Variants in SORCS1 observed in about 807,000 individuals in gnomAD.
SORCS1 encodes VPS10 domain-containing receptor SorCS1.
In SORCS1, 60 loss-of-function variants were observed where a neutral mutation model predicts 146.1. The observed-to-expected ratio is 0.41, with a 90% CI of 0.33 to 0.51. The LOEUF is 0.51. Ranked by LOEUF, SORCS1 falls within the 20% of genes least tolerant of loss-of-function variation. SORCS1 has a pLI of 0.21. For synonymous variants in SORCS1, 637 were observed against 584.0 expected, an observed-to-expected ratio of 1.09 and a Z score of -1.31; for missense variants, 1,352 against 1,487.6, an observed-to-expected ratio of 0.91 and a Z score of 1.50.
At chr10:106,776,468 T>C (rs1860438153) in intron 4 of SORCS1, 66 bp downstream of exon 4, 34 of 1,583,534 alleles carry the variant, frequency 2.1e-5, no homozygotes, top group South Asian at 6.9e-5. Context: ...GGAGAGATGA[T>C]TAAATTAGCA....
At chr10:107,055,969 A>C (rs1960594578) in intron 1 of SORCS1, among the ~76,000 whole-genome samples, 1 of 151,794 alleles carries the variant, frequency 6.6e-6, no homozygotes, top group Non-Finnish European at 1.5e-5. Flanking sequence ...TTCTTTACAG[A>C]CTCCCCTTTG....
chr10:107,176,489 C>T, the SORCS1 span, among the ~76,000 whole-genome samples: 2 of 151,978 alleles, frequency 1.3e-5, no homozygotes, highest in African/African-American at 4.8e-5. Context: ...ACGGGCACTA[C>T]TACGCCTGGC....
rs7093634 is a variant in SORCS1, at chr10:107,033,714, C to A, written c.559-77134G>T. 3.3e-5 allele frequency among the ~76,000 whole-genome samples: 5 copies of A among 152,106 alleles called. No homozygotes were observed. In the South Asian group the frequency reaches 1.0e-3, roughly 32 times the overall value. ...ACTCCCATTAACAGTATAAAGAAAG[C>A]GGCTAGAGTTTAGCTAGCTAGTTGT... On this transcript the variant is annotated intron_variant, in intron 1 of 25. Coordinates refer to ENST00000263054, the MANE Select transcript of SORCS1 (RefSeq NM_052918.5).
Position 106,741,324 on chromosome 10 carries a change from C to T in SORCS1, c.960-11210G>A, listed in dbSNP as rs959559295. Among the ~76,000 whole-genome samples, 7 of 152,300 alleles carry T rather than the reference C, an allele frequency of 4.6e-5. No homozygotes were observed. The East Asian group carries it at 5.8e-4, about 13-fold the overall frequency. On this transcript the variant is annotated intron_variant, in intron 5 of 25. Coordinates refer to ENST00000263054, the MANE Select transcript of SORCS1 (RefSeq NM_052918.5). ...ACTAAAAAGATAAGGAGAAGCCAGA[C>T]GTGATGACTCACACCTGTAATTCTA...
intron 1 of SORCS1, among the ~76,000 whole-genome samples, chr10:106,966,838 C>T (rs1955518184): frequency 6.6e-6 from 1 of 152,160 alleles, no homozygotes; most frequent in South Asian, 2.1e-4. Context: ...CTCAAGGGAA[C>T]TCATGGGTTT....
intron 1 of SORCS1, among the ~76,000 whole-genome samples, chr10:107,023,139 G>A (rs1450936098): frequency 6.6e-6 from 1 of 152,188 alleles, no homozygotes; most frequent in East Asian, 1.9e-4. Context: ...GTAAATTGCT[G>A]AGTCCAGAGC....
chr10:107,024,314 T>C (rs1958296817), intron 1 of SORCS1, among the ~76,000 whole-genome samples: 1 of 151,972 alleles, frequency 6.6e-6, no homozygotes, highest in Non-Finnish European at 1.5e-5. Flanking sequence ...TAAGGGCTGG[T>C]GTGTGCAGAT....
intron 1 of SORCS1, among the ~76,000 whole-genome samples, chr10:107,037,545 TGG>T (rs1180300432): frequency 9.9e-5 from 15 of 152,198 alleles, no homozygotes; most frequent in Non-Finnish European, 1.8e-4. Context: ...GCTGTGGGAG[TGG>T]GGAAACCCAG....
intron 9 of SORCS1, among the ~76,000 whole-genome samples, chr10:106,695,529 G>A (rs181854465): frequency 4.7e-4 from 72 of 152,140 alleles, no homozygotes; most frequent in Non-Finnish European, 9.3e-4. Context: ...CCATCTTTGC[G>A]GTCTTGCAAA....
chr10:106,924,462 TA>T (rs1952887211), intron 2 of SORCS1, among the ~76,000 whole-genome samples: 4 of 98,670 alleles, frequency 4.1e-5, no homozygotes, highest in Non-Finnish European at 9.5e-5. Context: ...ATTCCACAGT[TA>T]TCGATCTATC....
Position 107,060,287 on chromosome 10 carries a change from ATC to A in SORCS1, c.558+103680_558+103681del, listed in dbSNP as rs1228508346. Among the ~76,000 whole-genome samples, 1 of 152,116 alleles carries A rather than the reference ATC, an allele frequency of 6.6e-6. No individual in the cohort carries two copies. The highest frequency in any genetic ancestry group is 1.5e-5 in the Non-Finnish European group (1 of 68,026). ...TCAATCATTTATAACACATCCAATA[ATC>A]TGTTTTCCCCTCATCTGTAAAAGTG... On this transcript the variant is annotated intron_variant, in intron 1 of 25. Coordinates refer to ENST00000263054, the MANE Select transcript of SORCS1 (RefSeq NM_052918.5). The surrounding 1 kb of genome is among the most constrained non-coding windows in gnomAD (Gnocchi z 4.1).
At chr10:107,140,804 T>C (rs1254062228) in intron 1 of SORCS1, among the ~76,000 whole-genome samples, 1 of 152,234 alleles carries the variant, frequency 6.6e-6, no homozygotes, top group East Asian at 1.9e-4. Context: ...GCATGATCTC[T>C]TGTAATACTC....
intron 1 of SORCS1, among the ~76,000 whole-genome samples, chr10:106,984,220 A>C (rs554105248): frequency 2.6e-4 from 40 of 152,292 alleles, no homozygotes; most frequent in Non-Finnish European, 4.9e-4. Flanking sequence ...GGAAGATAGC[A>C]TGGCATCTTA....
intron 3 of SORCS1, among the ~76,000 whole-genome samples, chr10:106,779,006 G>A (rs1301517643): frequency 6.6e-6 from 1 of 152,062 alleles, no homozygotes; most frequent in Non-Finnish European, 1.5e-5. Flanking sequence ...GACTGCATAA[G>A]ACATCCTGTA....
chr10:106,782,662 T>G (rs1456540596), intron 3 of SORCS1, among the ~76,000 whole-genome samples: 1 of 152,252 alleles, frequency 6.6e-6, no homozygotes, highest in Non-Finnish European at 1.5e-5. Flanking sequence ...CATCTCTTCT[T>G]ATTTCACTTG....
intron 2 of SORCS1, among the ~76,000 whole-genome samples, chr10:106,859,821 T>C (rs1949943909): frequency 6.6e-6 from 1 of 152,226 alleles, no homozygotes; most frequent in East Asian, 1.9e-4. Flanking sequence ...TACATTTACA[T>C]GCGTTTGATC....
intron 2 of SORCS1, among the ~76,000 whole-genome samples, chr10:106,915,328 A>G (rs1026459295): frequency 6.6e-6 from 1 of 152,182 alleles, no homozygotes; most frequent in Non-Finnish European, 1.5e-5. Context: ...AATTTCTTAA[A>G]TAGAAACAAA....
chr10:106,618,312 T>G (rs1847512868), intron 20 of SORCS1, 40 bp from the exon 21 acceptor site: 1 of 1,605,744 alleles, frequency 6.2e-7, no homozygotes, highest in Admixed American at 1.7e-5. Flanking sequence ...GAAAGCTCTT[T>G]AGTTACAGGT....
intron 10 of SORCS1, among the ~76,000 whole-genome samples, chr10:106,687,969 G>A (rs926411411): frequency 5.9e-5 from 9 of 152,170 alleles, no homozygotes; most frequent in Admixed American, 1.3e-4. Context: ...GGGAAACAAG[G>A]ATCCTGGAAG....
Sources: allele counts gnomAD v4.1 joint callset (sites outside exome capture counted in the v4.1 genomes callset), GRCh38; gene constraint gnomAD v4.1.1; non-coding constraint Gnocchi (gnomAD v3.1); transcripts MANE v1.5; gene names NCBI Gene and HGNC (gene_info 2026-07-23, HGNC 2026-07-21).